ACSM3: variants seen among roughly 807,000 people sequenced by gnomAD.
ACSM3 encodes the protein acyl-coenzyme A synthetase ACSM3, mitochondrial.
A neutral mutation model predicts 74.1 loss-of-function variants in ACSM3; 61 were observed. The observed-to-expected ratio is 0.82, with a 90% CI of 0.67 to 1.02. ACSM3 has a LOEUF of 1.02. ACSM3 is among the 50% of genes least tolerant of loss of function. The pLI is 0.00. For synonymous variants in ACSM3, 213 were observed against 241.5 expected, an observed-to-expected ratio of 0.88 and a Z score of 1.09; for missense variants, 660 against 697.0, an observed-to-expected ratio of 0.95 and a Z score of 0.60.
intron 8 of ACSM3, 58 bp from the exon 9 acceptor site, chr16:20,786,020 G>A (rs1596530542): frequency 1.6e-6 from 2 of 1,224,388 alleles, no homozygotes; most frequent in Non-Finnish European, 1.1e-6. Flanking sequence ...ATGCATGATA[G>A]ATGAATAAAT....
At chr16:20,717,436 A>G (rs1249738978) in intron 1 of ACSM3, among the ~76,000 whole-genome samples, 2 of 152,346 alleles carry the variant, frequency 1.3e-5, no homozygotes, top group African/African-American at 4.8e-5. Context: ...GAAGAAGAGG[A>G]CAGCTATTTG....
Position 20,797,145 on chromosome 16 carries a change from G to T in ACSM3, c.*173G>T. The T allele has an allele frequency of 7.4e-7, 1 of 1,353,794 alleles. No homozygotes were observed. Among genetic ancestry groups the T allele is most frequent in the Non-Finnish European group, 9.5e-7 (1 of 1,055,588 alleles). The allele number at this position is 1,353,794 out of a possible 1,614,324, so 83.9% of individuals were successfully genotyped here. A position where few individuals can be genotyped will look rare whatever the true frequency, so the allele number is the denominator to read the frequency against. On this transcript the variant is annotated 3_prime_UTR_variant, in exon 14 of 14. Transcript: ENST00000289416. ...GCTAAATTTTGAAATAAAATATTTG[G>T]CAAATTCCTCCACATTAGTGTCAAT...
At chr16:20,752,083 G>T (rs1428917893) in intron 2 of ACSM3, among the ~76,000 whole-genome samples, 1 of 152,166 alleles carries the variant, frequency 6.6e-6, no homozygotes, top group Non-Finnish European at 1.5e-5. Context: ...CATTCAACAA[G>T]TGAGGCTGAG....
intron 1 of ACSM3, among the ~76,000 whole-genome samples, chr16:20,694,490 C>A (rs1055786935): frequency 3.3e-5 from 5 of 152,230 alleles, no homozygotes; most frequent in Non-Finnish European, 1.5e-5. Context: ...CCAACACACA[C>A]CTCCTTCCAC....
chr16:20,686,028 G>A (rs1348165928), intron 1 of ACSM3, among the ~76,000 whole-genome samples: 1 of 151,778 alleles, frequency 6.6e-6, no homozygotes, highest in African/African-American at 2.4e-5. Context: ...TCTTCTCTGT[G>A]CCTTAGTTTC....
At chr16:20,760,208 C>A (rs2356267), upstream of ACSM3, among the ~76,000 whole-genome samples, 1 of 152,082 alleles carries the variant, frequency 6.6e-6, no homozygotes, top group Non-Finnish European at 1.5e-5. Context: ...TCTTTTACCC[C>A]AAAATATATT....
At chr16:20,739,047 AG>A (rs2079895245) in intron 1 of ACSM3, 2 of 1,614,190 alleles carry the variant, frequency 1.2e-6, no homozygotes, top group Non-Finnish European at 1.7e-6. Context: ...TCACTTCCAG[AG>A]GGCTGCTGAT....
intron 3 of ACSM3, 99 bp downstream of exon 3, chr16:20,776,148 C>A (rs2080253570): frequency 1.5e-6 from 2 of 1,328,890 alleles, no homozygotes; most frequent in African/African-American, 1.5e-5. Flanking sequence ...TTGTTGTGGG[C>A]TTATTGTCAA....
At chr16:20,726,310 C>T (rs2079805775) in intron 1 of ACSM3, among the ~76,000 whole-genome samples, 1 of 152,186 alleles carries the variant, frequency 6.6e-6, no homozygotes, top group South Asian at 2.1e-4. Context: ...TTAATTCAAA[C>T]TCAATACATG....
intron 1 of ACSM3, chr16:20,725,391 G>A (rs946885299): frequency 2.4e-5 from 6 of 246,824 alleles, no homozygotes; most frequent in Admixed American, 2.0e-4. Flanking sequence ...TCACAACCCT[G>A]TGCAGCCCTC....
intron 1 of ACSM3, chr16:20,685,296 G>T: frequency 6.2e-7 from 1 of 1,614,192 alleles, no homozygotes; most frequent in Non-Finnish European, 8.5e-7. Flanking sequence ...GTGTGAAGAC[G>T]TTGGCTACAC....
chr16:20,739,580 G>A (rs1296381661), intron 1 of ACSM3, among the ~76,000 whole-genome samples: 4 of 152,072 alleles, frequency 2.6e-5, no homozygotes, highest in Non-Finnish European at 5.9e-5. Flanking sequence ...CAGCACTCTG[G>A]GAGGCAGAGG....
Position 20,781,094 on chromosome 16 carries a change from C to G in ACSM3, c.903C>G (p.His301Gln). The G allele has an allele frequency of 6.2e-7, 1 of 1,614,110 alleles. No homozygotes were observed. Among genetic ancestry groups the G allele is most frequent in the Non-Finnish European group, 8.5e-7 (1 of 1,180,008 alleles). The change falls in exon 6 of 14, where the codon CAC becomes CAG. Residue 301 changes from histidine to glutamine, a missense_variant. Coordinates refer to ENST00000289416, the MANE Select transcript of ACSM3 (RefSeq NM_005622.4). ...PWIQGACVFT[H>Q]HLPRFEPTSI... ...TCCAGGGAGCATGTGTATTCACACA[C>G]CATTTACCCCGTTTTGAGCCGACTT...
intron 1 of ACSM3, chr16:20,728,331 T>G: frequency 1.1e-6 from 1 of 917,198 alleles, no homozygotes; most frequent in Non-Finnish European, 1.7e-6. Context: ...ATTTACAACC[T>G]GCTTTCATTT....
chr16:20,729,253 C>A, intron 1 of ACSM3: 2 of 1,113,086 alleles, frequency 1.8e-6, no homozygotes, highest in South Asian at 1.3e-5. Context: ...AAACTGCTGC[C>A]ACGGTAAGGG....
At chr16:20,740,213 C>T (rs2152420955) in intron 1 of ACSM3, among the ~76,000 whole-genome samples, 1 of 152,238 alleles carries the variant, frequency 6.6e-6, no homozygotes, top group Admixed American at 6.5e-5. Flanking sequence ...GACAACATGG[C>T]CTGAGAACCC....
At chr16:20,727,344 T>C in intron 1 of ACSM3, 2 of 590,804 alleles carry the variant, frequency 3.4e-6, no homozygotes, top group Non-Finnish European at 6.4e-6. Context: ...TCTCTCCAGA[T>C]ATAAATTCAA....
chr16:20,772,043 T>C (rs1292994695), intron 2 of ACSM3, among the ~76,000 whole-genome samples: 1 of 152,212 alleles, frequency 6.6e-6, no homozygotes, highest in Non-Finnish European at 1.5e-5. Context: ...TTTTGAGAAA[T>C]GTCTATTCAG....
At chr16:20,757,998 G>A (rs1026440566) in intron 3 of ACSM3, among the ~76,000 whole-genome samples, 2 of 152,160 alleles carry the variant, frequency 1.3e-5, no homozygotes, top group African/African-American at 4.8e-5. Flanking sequence ...CTTGATCATG[G>A]TGGATAAGCT....
Sources: gnomAD v4.1 joint callset for allele counts (sites outside exome capture counted in the v4.1 genomes callset) on GRCh38, gnomAD v4.1.1 for gene constraint, MANE v1.5 for transcripts, NCBI Gene and HGNC (gene_info 2026-07-23, HGNC 2026-07-21) for gene names.